The following PDE10A variants were observed in gnomAD, a reference collection of about 807,000 sequenced individuals.
PDE10A encodes phosphodiesterase 10A, also known as cAMP and cAMP-inhibited cGMP 3',5'-cyclic phosphodiesterase 10A.
In PDE10A, 39 loss-of-function variants were observed where a neutral mutation model predicts 97.7. That is an observed-to-expected ratio of 0.40 (90% CI 0.31 to 0.52). The LOEUF (loss-of-function observed/expected upper bound fraction) is 0.52, where lower values mean the gene tolerates loss of function less well. Among genes scored for constraint, PDE10A ranks in the 20% least tolerant of loss-of-function variants. PDE10A has a pLI of 0.56. For missense variants in PDE10A, 731 were observed against 1,047.8 expected (o/e 0.70, Z 4.17); for synonymous variants, 371 against 376.8 (o/e 0.98, Z 0.18).
intron 13 of PDE10A, among the ~76,000 whole-genome samples, chr6:165,401,032 T>C (rs1191136575): frequency 6.6e-6 from 1 of 152,106 alleles, no homozygotes; most frequent in Non-Finnish European, 1.5e-5. Flanking sequence ...AAATCAATGG[T>C]CACCTGAAGA....
chr6:165,974,169 T>C (rs1784780281), intron 1 of PDE10A, among the ~76,000 whole-genome samples: 1 of 152,236 alleles, frequency 6.6e-6, no homozygotes, highest in African/African-American at 2.4e-5. Flanking sequence ...TCTTTCCTCC[T>C]CTTTCATCCA....
At chr6:165,955,018 C>T (rs1291418257) in intron 1 of PDE10A, among the ~76,000 whole-genome samples, 1 of 152,194 alleles carries the variant, frequency 6.6e-6, no homozygotes, top group African/African-American at 2.4e-5. Flanking sequence ...ACAAGGATCT[C>T]CTCGCTGCCC....
chr6:165,981,705 C>T (rs908328761), intron 1 of PDE10A, among the ~76,000 whole-genome samples: 2 of 152,190 alleles, frequency 1.3e-5, no homozygotes, highest in Admixed American at 6.5e-5. Flanking sequence ...AATGTCTAAA[C>T]GATAACCACC....
At chr6:165,912,858 G>A (rs1782500783) in intron 1 of PDE10A, among the ~76,000 whole-genome samples, 1 of 152,186 alleles carries the variant, frequency 6.6e-6, no homozygotes, top group African/African-American at 2.4e-5. Flanking sequence ...CTAAGCATCT[G>A]TTTAGTATTG....
At position 165,607,119 on chromosome 6, in the gene PDE10A, G is replaced by A. The variant is rs555030624; in HGVS notation, c.865+54828C>T. Among the ~76,000 whole-genome samples the A allele has an allele frequency of 3.9e-5, 6 of 152,254 alleles. No homozygotes were observed. The East Asian group carries it at 5.8e-4, about 15-fold the overall frequency. ...TACTTATTTCACTTTTTAAAAGAAC[G>A]TATTGAACTTTAAGAAATCCACTGA... On this transcript the variant is annotated intron_variant, in intron 1 of 21. Transcript: ENST00000539869.
At chr6:165,841,569 G>A (rs531075617) in intron 1 of PDE10A, among the ~76,000 whole-genome samples, 2 of 152,382 alleles carry the variant, frequency 1.3e-5, no homozygotes, top group African/African-American at 4.8e-5. Context: ...AGTTAAAACA[G>A]TTTGATGTGG....
intron 1 of PDE10A, among the ~76,000 whole-genome samples, chr6:165,639,738 CAAAA>C (rs35358593): frequency 2.0e-5 from 2 of 102,548 alleles, no homozygotes; most frequent in African/African-American, 3.8e-5. Flanking sequence ...GACTCTGTCC[CAAAA>C]AAAAAAAAAA....
At chr6:165,832,910 G>T (rs545006128) in intron 1 of PDE10A, among the ~76,000 whole-genome samples, 1 of 152,272 alleles carries the variant, frequency 6.6e-6, no homozygotes, top group South Asian at 2.1e-4. Flanking sequence ...GGTTGGCGAG[G>T]ACTCTTTCAT....
intron 1 of PDE10A, among the ~76,000 whole-genome samples, chr6:165,925,027 C>T (rs1483530817): frequency 6.6e-6 from 1 of 152,088 alleles, no homozygotes; most frequent in East Asian, 1.9e-4. Flanking sequence ...CCGCCAAGGT[C>T]TTGAATCTAG....
intron 2 of PDE10A, among the ~76,000 whole-genome samples, chr6:165,540,934 G>A (rs188482986): frequency 5.6e-4 from 85 of 152,102 alleles, no homozygotes; most frequent in African/African-American, 2.0e-3. Flanking sequence ...CCAGAGAACA[G>A]GACATTTTCT....
At chr6:165,867,219 T>C (rs1354958860) in intron 1 of PDE10A, among the ~76,000 whole-genome samples, 1 of 125,846 alleles carries the variant, frequency 7.9e-6, no homozygotes, top group Non-Finnish European at 1.7e-5. Flanking sequence ...TTAAAAAATA[T>C]AGACTGAATG....
intron 1 of PDE10A, among the ~76,000 whole-genome samples, chr6:165,983,175 C>T (rs1785072571): frequency 6.6e-6 from 1 of 152,054 alleles, no homozygotes; most frequent in Non-Finnish European, 1.5e-5. Context: ...TTTCCTTTTG[C>T]CTAGTTAAAT....
chr6:165,435,106 A>AT (rs1486349884), intron 6 of PDE10A, 131 bp downstream of exon 6: 2 of 861,692 alleles, frequency 2.3e-6, no homozygotes. Flanking sequence ...ACATTAATAT[A>AT]TTGATCTGTA....
chr6:165,734,961 G>A (rs1460390882), intron 1 of PDE10A, among the ~76,000 whole-genome samples: 2 of 143,508 alleles, frequency 1.4e-5, no homozygotes, highest in Non-Finnish European at 3.0e-5. Flanking sequence ...TAGATAGATA[G>A]ATAGATAGAT....
intron 6 of PDE10A, among the ~76,000 whole-genome samples, chr6:165,433,682 T>C (rs766066236): frequency 5.3e-5 from 8 of 152,196 alleles, no homozygotes; most frequent in Non-Finnish European, 1.0e-4. Context: ...AAATTGGTTC[T>C]TTGATTTTAA....
At chr6:165,782,380 C>T (rs573458689) in intron 1 of PDE10A, among the ~76,000 whole-genome samples, 11 of 152,154 alleles carry the variant, frequency 7.2e-5, no homozygotes, top group Admixed American at 1.3e-4. Flanking sequence ...CCATCTTCAC[C>T]GTAAATCACT....
intron 3 of PDE10A, among the ~76,000 whole-genome samples, chr6:165,481,434 C>T (rs1198737713): frequency 6.6e-6 from 1 of 152,066 alleles, no homozygotes; most frequent in Admixed American, 6.6e-5. Context: ...AGCGCTGGCC[C>T]AGGTCATTTT....
At chr6:165,740,211 A>G (rs367646737) in intron 1 of PDE10A, among the ~76,000 whole-genome samples, 7 of 152,172 alleles carry the variant, frequency 4.6e-5, no homozygotes, top group Non-Finnish European at 1.0e-4. Flanking sequence ...AAATGAACCT[A>G]AGTGTCAACA....
chr6:165,551,001 T>A (rs1278093805), intron 1 of PDE10A, among the ~76,000 whole-genome samples: 1 of 152,236 alleles, frequency 6.6e-6, no homozygotes, highest in Non-Finnish European at 1.5e-5. Flanking sequence ...TATTTCTGTA[T>A]AAATAATTGT....
Sources: gnomAD v4.1 joint callset for allele counts (sites outside exome capture counted in the v4.1 genomes callset) on GRCh38, gnomAD v4.1.1 for gene constraint, MANE v1.5 for transcripts, NCBI Gene and HGNC (gene_info 2026-07-23, HGNC 2026-07-21) for gene names.